Variants in KCND2 observed in about 807,000 individuals in gnomAD.
The protein encoded by KCND2 is potassium voltage-gated channel subfamily D member 2.
A neutral mutation model predicts 54.4 loss-of-function variants in KCND2; 16 were observed. The ratio of observed to expected loss-of-function variants is 0.29; its 90% CI spans 0.20 to 0.45. The LOEUF is 0.45. Among genes scored for constraint, KCND2 ranks in the 20% least tolerant of loss-of-function variants. The probability of loss-of-function intolerance (pLI) is 1.00; values close to 1 mark genes in which losing one functional copy is unlikely to be tolerated. For missense variants in KCND2, 486 were observed against 824.2 expected, an observed-to-expected ratio of 0.59 and a Z score of 5.02; for synonymous variants, 317 against 310.7, an observed-to-expected ratio of 1.02 and a Z score of -0.21.
chr7:120,576,155 G>C (rs1300299816), intron 1 of KCND2, among the ~76,000 whole-genome samples: 1 of 151,982 alleles, frequency 6.6e-6, no homozygotes, highest in African/African-American at 2.4e-5. Context: ...TTTTCAGTTA[G>C]ATTTTATGCA....
chr7:120,570,666 T>C (rs1792354429), intron 1 of KCND2, among the ~76,000 whole-genome samples: 1 of 152,166 alleles, frequency 6.6e-6, no homozygotes, highest in Non-Finnish European at 1.5e-5. Flanking sequence ...CATATTACCT[T>C]TCTTATTAAA....
chr7:120,451,563 T>TC (rs1399216244), intron 1 of KCND2, among the ~76,000 whole-genome samples: 3 of 152,226 alleles, frequency 2.0e-5, no homozygotes, highest in African/African-American at 7.2e-5. Flanking sequence ...CTTCAAGCTA[T>TC]AGGTTGACAA....
chr7:120,592,261 A>G (rs1792681407), intron 1 of KCND2, among the ~76,000 whole-genome samples: 1 of 152,194 alleles, frequency 6.6e-6, no homozygotes, highest in African/African-American at 2.4e-5. Flanking sequence ...ATAAAGAAGC[A>G]AATAAGGCTG....
At chr7:120,303,151 A>G (rs1031007652) in intron 1 of KCND2, among the ~76,000 whole-genome samples, 3 of 152,206 alleles carry the variant, frequency 2.0e-5, no homozygotes, top group Non-Finnish European at 4.4e-5. Context: ...AATGACTAGA[A>G]AAACTGTCTT....
intron 1 of KCND2, among the ~76,000 whole-genome samples, chr7:120,649,296 AT>A (rs543690246): frequency 2.3e-4 from 34 of 150,568 alleles, no homozygotes; most frequent in Non-Finnish European, 3.6e-4. Flanking sequence ...ATCCTGTGCC[AT>A]TTTTTTTTGT....
chr7:120,708,863 T>C lies in KCND2; in HGVS notation c.1116-24040T>C, dbSNP rs1247414982. ...TAGGTTTAATTTCTGTCTTCCTCTC[T>C]ACCATGTAAACTCCATAAGGGTAGA... On this transcript the variant is annotated intron_variant, in intron 1 of 5. Coordinates refer to ENST00000331113, the MANE Select transcript of KCND2 (RefSeq NM_012281.3). 5.3e-5 allele frequency among the ~76,000 whole-genome samples: 8 copies of C among 152,190 alleles called. No individual in the cohort carries two copies. In the East Asian group the frequency reaches 1.5e-3, roughly 29 times the overall value.
chr7:120,302,628 A>T (rs1799603560), intron 1 of KCND2, among the ~76,000 whole-genome samples: 1 of 152,210 alleles, frequency 6.6e-6, no homozygotes, highest in Non-Finnish European at 1.5e-5. Flanking sequence ...ACGATGTTTT[A>T]TATATGGTTA....
At chr7:120,364,783 A>G (rs1800643315) in intron 1 of KCND2, among the ~76,000 whole-genome samples, 11 of 152,080 alleles carry the variant, frequency 7.2e-5, no homozygotes, top group Admixed American at 7.2e-4. Context: ...GAACCTAATC[A>G]GACATCAAAG....
At chr7:120,709,820 C>T (rs1254992044) in intron 1 of KCND2, among the ~76,000 whole-genome samples, 4 of 152,130 alleles carry the variant, frequency 2.6e-5, no homozygotes, top group African/African-American at 2.4e-5. Flanking sequence ...CTCTTACATA[C>T]CATGGGTTCT....
At chr7:120,724,501 G>T (rs567930476) in intron 1 of KCND2, among the ~76,000 whole-genome samples, 1 of 152,170 alleles carries the variant, frequency 6.6e-6, no homozygotes, top group Non-Finnish European at 1.5e-5. Flanking sequence ...GTAATAGAAA[G>T]TTATTTGTTC....
At chr7:120,377,026 T>C (rs1365682759) in intron 1 of KCND2, among the ~76,000 whole-genome samples, 2 of 151,932 alleles carry the variant, frequency 1.3e-5, no homozygotes, top group Non-Finnish European at 2.9e-5. Flanking sequence ...TGATGTTTGG[T>C]TTAGCATTAG....
At chr7:120,488,873 T>G (rs1562853021) in intron 1 of KCND2, among the ~76,000 whole-genome samples, 1 of 152,112 alleles carries the variant, frequency 6.6e-6, no homozygotes, top group Non-Finnish European at 1.5e-5. Flanking sequence ...TTAAACTACA[T>G]TATATTGTCT....
At chr7:120,508,066 A>G (rs1482229070) in intron 1 of KCND2, among the ~76,000 whole-genome samples, 1 of 150,942 alleles carries the variant, frequency 6.6e-6, no homozygotes, top group African/African-American at 2.4e-5. Context: ...TTTTTTCTTT[A>G]TTAGCTGCCG....
At chr7:120,291,070 AATC>A (rs1248974503) in intron 1 of KCND2, among the ~76,000 whole-genome samples, 1 of 152,050 alleles carries the variant, frequency 6.6e-6, no homozygotes, top group Admixed American at 6.6e-5. Context: ...ATTTGAAAGT[AATC>A]ATTGTGGCAC....
At chr7:120,620,375 T>C (rs1793083128) in intron 1 of KCND2, among the ~76,000 whole-genome samples, 1 of 152,198 alleles carries the variant, frequency 6.6e-6, no homozygotes, top group African/African-American at 2.4e-5. Flanking sequence ...TCTTGTTCAC[T>C]GCTATATCTT....
At chr7:120,649,959 CT>C (rs1199290051) in intron 1 of KCND2, among the ~76,000 whole-genome samples, 1 of 152,144 alleles carries the variant, frequency 6.6e-6, no homozygotes, top group Non-Finnish European at 1.5e-5. Context: ...TCTCTTCTGG[CT>C]TGTGGAGTTT....
intron 1 of KCND2, among the ~76,000 whole-genome samples, chr7:120,538,833 A>G (rs562429789): frequency 2.1e-4 from 32 of 152,214 alleles, no homozygotes; most frequent in African/African-American, 7.2e-4. Flanking sequence ...AGGGCCCTGT[A>G]TTCACCTCCA....
At chr7:120,625,216 G>A (rs1793150812) in intron 1 of KCND2, among the ~76,000 whole-genome samples, 1 of 152,108 alleles carries the variant, frequency 6.6e-6, no homozygotes, top group Admixed American at 6.6e-5. Context: ...CGATGAAGTA[G>A]AGTAACTAAT....
At position 120,408,433 on chromosome 7, in the gene KCND2, T is replaced by A. The variant is rs140580074; in HGVS notation, c.1115+132686T>A. 1.4e-3 allele frequency among the ~76,000 whole-genome samples: 218 copies of A among 151,980 alleles called. 1 individual carries two copies. Among genetic ancestry groups the A allele is most frequent in the African/African-American group, 5.2e-3 (215 of 41,502 alleles). On this transcript the variant is annotated intron_variant, in intron 1 of 5. Transcript: ENST00000331113. ...GAGGTAAAGATTGGTAAGTCACTAC[T>A]ATACCACAACATATAACATGTAAAG...
Sources: allele counts gnomAD v4.1 joint callset (sites outside exome capture counted in the v4.1 genomes callset), GRCh38; gene constraint gnomAD v4.1.1; transcripts MANE v1.5; gene names NCBI Gene and HGNC (gene_info 2026-07-23, HGNC 2026-07-21).